RAP1GDS1: variants seen among roughly 807,000 people sequenced by gnomAD.
RAP1GDS1 encodes the protein RAP1, GTP-GDP dissociation stimulator 1.
In RAP1GDS1, 35 loss-of-function variants were observed where a neutral mutation model predicts 71.1. The observed-to-expected ratio is 0.49, with a 90% confidence interval of 0.38 to 0.65. RAP1GDS1 has a LOEUF of 0.65. RAP1GDS1 is among the 30% of genes least tolerant of loss of function. The pLI, the probability that RAP1GDS1 is intolerant of heterozygous loss-of-function variation, is 0.00. For synonymous variants in RAP1GDS1, 229 were observed against 243.1 expected, an observed-to-expected ratio of 0.94 and a Z score of 0.54; for missense variants, 663 against 706.1, an observed-to-expected ratio of 0.94 and a Z score of 0.69.
intron 3 of RAP1GDS1, among the ~76,000 whole-genome samples, chr4:98,344,120 A>G (rs879468559): frequency 2.6e-5 from 4 of 152,212 alleles, no homozygotes; most frequent in Non-Finnish European, 5.9e-5. Flanking sequence ...GTGTTGCCAA[A>G]AAGAAAATTG....
At chr4:98,402,296 T>G (rs1487133526) in intron 6 of RAP1GDS1, among the ~76,000 whole-genome samples, 1 of 151,772 alleles carries the variant, frequency 6.6e-6, no homozygotes, top group East Asian at 1.9e-4. Flanking sequence ...GGTCTCAAAC[T>G]CCTGGGCTCA....
intron 5 of RAP1GDS1, among the ~76,000 whole-genome samples, chr4:98,381,615 A>G (rs946818909): frequency 6.6e-6 from 1 of 151,592 alleles, no homozygotes; most frequent in East Asian, 1.9e-4. Context: ...GGCACTTTCT[A>G]TTAGCACTAA....
At chr4:98,303,050 A>T (rs990032382) in intron 2 of RAP1GDS1, among the ~76,000 whole-genome samples, 3 of 135,764 alleles carry the variant, frequency 2.2e-5, no homozygotes, top group South Asian at 2.2e-4. Context: ...AGTCTCAAAT[A>T]AAAAAAAAAA....
intron 6 of RAP1GDS1, among the ~76,000 whole-genome samples, chr4:98,395,071 T>C (rs1281327253): frequency 6.6e-6 from 1 of 152,164 alleles, no homozygotes; most frequent in Non-Finnish European, 1.5e-5. Flanking sequence ...ATTTCTATTA[T>C]TCATAAATCA....
intron 6 of RAP1GDS1, among the ~76,000 whole-genome samples, chr4:98,399,318 A>G (rs1376749121): frequency 6.6e-6 from 1 of 152,206 alleles, no homozygotes; most frequent in Admixed American, 6.5e-5. Context: ...TATTCATCCA[A>G]CTGGGGATTT....
At chr4:98,399,177 A>G (rs538647986) in intron 6 of RAP1GDS1, among the ~76,000 whole-genome samples, 1 of 152,338 alleles carries the variant, frequency 6.6e-6, no homozygotes, top group South Asian at 2.1e-4. Context: ...ATGTTTATGT[A>G]TAAGACGTCA....
chr4:98,433,822 T>C (rs1278334397), intron 12 of RAP1GDS1, 114 bp from the exon 13 acceptor site: 2 of 907,508 alleles, frequency 2.2e-6, no homozygotes, highest in African/African-American at 1.7e-5. Flanking sequence ...TTAAATCAAA[T>C]GATTCATACA....
chr4:98,330,456 C>G (rs1254505486), intron 2 of RAP1GDS1, among the ~76,000 whole-genome samples: 2 of 150,958 alleles, frequency 1.3e-5, no homozygotes, highest in Admixed American at 6.6e-5. Flanking sequence ...GCACTCCTCA[C>G]TTCCCAGACG....
intron 1 of RAP1GDS1, among the ~76,000 whole-genome samples, chr4:98,276,399 C>T (rs564991813): frequency 7.2e-5 from 11 of 151,776 alleles, no homozygotes; most frequent in South Asian, 2.1e-4. Flanking sequence ...TATTTTGTAA[C>T]GGTTTTCCAT....
intron 4 of RAP1GDS1, among the ~76,000 whole-genome samples, chr4:98,357,548 AT>A (rs1453801346): frequency 6.6e-6 from 1 of 151,972 alleles, no homozygotes; most frequent in African/African-American, 2.4e-5. Context: ...AAACACAAGC[AT>A]ATGCCATTAA....
intron 3 of RAP1GDS1, among the ~76,000 whole-genome samples, chr4:98,349,026 A>G (rs986676891): frequency 1.3e-5 from 2 of 152,086 alleles, no homozygotes; most frequent in Non-Finnish European, 2.9e-5. Context: ...GGTGTTTTAG[A>G]CATGAAGTCC....
At chr4:98,374,914 C>G (rs1456342713) in intron 4 of RAP1GDS1, among the ~76,000 whole-genome samples, 2 of 152,076 alleles carry the variant, frequency 1.3e-5, no homozygotes, top group Admixed American at 1.3e-4. Context: ...TTACAGTTAG[C>G]CTGTAGAGCA....
At chr4:98,292,434 G>C (rs964836170) in intron 1 of RAP1GDS1, among the ~76,000 whole-genome samples, 2 of 151,938 alleles carry the variant, frequency 1.3e-5, no homozygotes, top group African/African-American at 4.8e-5. Flanking sequence ...GGGCCTGGAT[G>C]AAATTTCTAA....
chr4:98,380,398 G>A (rs1371056711), intron 5 of RAP1GDS1, among the ~76,000 whole-genome samples: 1 of 151,702 alleles, frequency 6.6e-6, no homozygotes, highest in Non-Finnish European at 1.5e-5. Flanking sequence ...AGTATCTTCA[G>A]GCCTCATCCT....
At chr4:98,441,241 T>G in intron 14 of RAP1GDS1, 1 of 703,458 alleles carries the variant, frequency 1.4e-6, no homozygotes, top group Non-Finnish European at 1.7e-6. Context: ...ACTGATTACA[T>G]TAAGCTTATT....
intron 3 of RAP1GDS1, among the ~76,000 whole-genome samples, chr4:98,343,921 C>T (rs1012642377): frequency 1.3e-5 from 2 of 152,200 alleles, no homozygotes; most frequent in South Asian, 4.1e-4. Flanking sequence ...TATAAGAAGG[C>T]CGTACTATAT....
At chr4:98,427,624 TA>T (rs1749797241) in intron 12 of RAP1GDS1, among the ~76,000 whole-genome samples, 1 of 151,404 alleles carries the variant, frequency 6.6e-6, no homozygotes, top group South Asian at 2.1e-4. Context: ...CTGCAAAAAA[TA>T]AAATAAAATA....
intron 7 of RAP1GDS1, among the ~76,000 whole-genome samples, chr4:98,415,974 T>A (rs186331161): frequency 2.6e-5 from 4 of 152,306 alleles, no homozygotes; most frequent in Non-Finnish European, 4.4e-5. Flanking sequence ...TGGAGTGCAG[T>A]GGCACAGTCA....
intron 1 of RAP1GDS1, among the ~76,000 whole-genome samples, chr4:98,278,774 A>G (rs889779161): frequency 5.3e-5 from 8 of 152,226 alleles, no homozygotes; most frequent in Non-Finnish European, 1.2e-4. Context: ...AAATTTTAAT[A>G]TGGAAACTTT....
Sources: allele counts gnomAD v4.1 joint callset (sites outside exome capture counted in the v4.1 genomes callset), GRCh38; gene constraint gnomAD v4.1.1; transcripts MANE v1.5; gene names NCBI Gene and HGNC (gene_info 2026-07-23, HGNC 2026-07-21).